The following SMURF2 variants were observed in gnomAD, a reference collection of about 807,000 sequenced individuals.
The protein encoded by SMURF2 is SMAD specific E3 ubiquitin protein ligase 2.
A neutral mutation model predicts 109.6 loss-of-function variants in SMURF2; 48 were observed. The ratio of observed to expected loss-of-function variants is 0.44; its 90% confidence interval spans 0.35 to 0.56. SMURF2 has a LOEUF of 0.56. Among genes scored for constraint, SMURF2 ranks in the 20% least tolerant of loss-of-function variants. The pLI, the probability that SMURF2 is intolerant of heterozygous loss-of-function variation, is 0.01. For missense variants in SMURF2, 575 were observed against 909.0 expected, an observed-to-expected ratio of 0.63 and a Z score of 4.72; for synonymous variants, 288 against 317.1, an observed-to-expected ratio of 0.91 and a Z score of 0.97.
chr17:64,620,623 T>C (rs1970188548), intron 1 of SMURF2, among the ~76,000 whole-genome samples: 2 of 152,184 alleles, frequency 1.3e-5, no homozygotes, highest in African/African-American at 4.8e-5. Flanking sequence ...CTTTTCTGAC[T>C]CTCCTTTTTC....
chr17:64,591,742 T>C (rs1969754749), intron 4 of SMURF2, among the ~76,000 whole-genome samples: 1 of 152,180 alleles, frequency 6.6e-6, no homozygotes, highest in East Asian at 1.9e-4. Context: ...AGTACGCTGG[T>C]TTTACTTTGA....
intron 16 of SMURF2, among the ~76,000 whole-genome samples, chr17:64,551,108 C>G (rs1175556541): frequency 6.6e-6 from 1 of 152,090 alleles, no homozygotes; most frequent in Non-Finnish European, 1.5e-5. Context: ...GCCTATAATC[C>G]TAGCACTTTG....
intron 1 of SMURF2, among the ~76,000 whole-genome samples, chr17:64,644,070 A>G (rs1970524655): frequency 6.6e-6 from 1 of 152,086 alleles, no homozygotes; most frequent in Non-Finnish European, 1.5e-5. Flanking sequence ...CAGTGGCACA[A>G]TCTTGGCTCA....
In SMURF2 at chr17:64,652,766, C is replaced by T. The variant is rs570797153; in HGVS notation, c.52+9063G>A. 2.0e-4 allele frequency among the ~76,000 whole-genome samples: 31 copies of T among 152,086 alleles called. No individual in the cohort carries two copies. In the South Asian group the frequency reaches 2.7e-3, roughly 13 times the overall value. On this transcript the variant is annotated intron_variant, in intron 1 of 18. Transcript: ENST00000262435. ...CTCCCAAAGAATAGGCATGAGCAAC[C>T]GCACCTGGCCTGTCAACTGATTTTC...
At chr17:64,647,123 T>C (rs1555693040) in intron 1 of SMURF2, among the ~76,000 whole-genome samples, 1 of 152,190 alleles carries the variant, frequency 6.6e-6, no homozygotes, top group Non-Finnish European at 1.5e-5. Flanking sequence ...TCCTAGAGCC[T>C]ACATCTCAGT....
rs1970545387 is a variant in SMURF2, at chr17:64,645,327, G to C, written c.52+16502C>G. ...GCTATAGTTTAAACGATAATTAAGA[G>C]ACATACCAACCCAATACAATGTGTA... On this transcript the variant is annotated intron_variant, in intron 1 of 18. Transcript: ENST00000262435. Among the ~76,000 whole-genome samples the C allele has an allele frequency of 2.0e-5, 3 of 152,310 alleles. 1 individual carries two copies. The highest frequency in any genetic ancestry group is 6.8e-3 in the Middle Eastern group (2 of 294).
intron 1 of SMURF2, among the ~76,000 whole-genome samples, chr17:64,651,989 C>A (rs537693050): frequency 6.6e-6 from 1 of 152,296 alleles, no homozygotes; most frequent in African/African-American, 2.4e-5. Context: ...CACCTCCTTT[C>A]TTTTCTATGG....
chr17:64,596,306 C>T (rs1471007808), intron 3 of SMURF2, among the ~76,000 whole-genome samples: 3 of 151,834 alleles, frequency 2.0e-5, no homozygotes, highest in African/African-American at 7.3e-5. Context: ...CTTATCTTAA[C>T]GTGGATGCTA....
At chr17:64,638,829 C>G (rs1022336341) in intron 1 of SMURF2, among the ~76,000 whole-genome samples, 1 of 152,204 alleles carries the variant, frequency 6.6e-6, no homozygotes, top group Non-Finnish European at 1.5e-5. Context: ...CATTCCCATA[C>G]TGGGATGGCT....
chr17:64,583,632 A>T, intron 6 of SMURF2, 88 bp from the exon 7 acceptor site: 3 of 931,828 alleles, frequency 3.2e-6, no homozygotes, highest in Non-Finnish European at 5.2e-6. Flanking sequence ...TGCTGTTACA[A>T]ATCGGGAATG....
At chr17:64,625,099 G>A (rs187185791) in intron 1 of SMURF2, among the ~76,000 whole-genome samples, 1 of 152,252 alleles carries the variant, frequency 6.6e-6, no homozygotes, top group Non-Finnish European at 1.5e-5. Flanking sequence ...TGACTCTAGG[G>A]GGCCACTGGT....
At chr17:64,582,936 T>C (rs1969597312) in intron 7 of SMURF2, among the ~76,000 whole-genome samples, 1 of 151,514 alleles carries the variant, frequency 6.6e-6, no homozygotes, top group South Asian at 2.1e-4. Context: ...TCTCATTCTA[T>C]CACCCAGGTT....
At chr17:64,657,455 G>C (rs537772453) in intron 1 of SMURF2, among the ~76,000 whole-genome samples, 5 of 151,958 alleles carry the variant, frequency 3.3e-5, no homozygotes, top group Non-Finnish European at 7.4e-5. Flanking sequence ...ACTTTGGAAG[G>C]CTGAGGCAGG....
chr17:64,602,884 C>T (rs570721181), intron 2 of SMURF2, among the ~76,000 whole-genome samples: 4 of 152,124 alleles, frequency 2.6e-5, no homozygotes, highest in Admixed American at 2.0e-4. Flanking sequence ...GAGATCGCGC[C>T]ACTGCACTCC....
At position 64,586,132 on chromosome 17, in the gene SMURF2, G is replaced by C. The variant is rs1555687049; in HGVS notation, c.439C>G (p.Gln147Glu). 3.7e-6 allele frequency: 6 copies of C among 1,610,376 alleles called. No homozygotes were observed. The highest frequency in any genetic ancestry group is 5.1e-6 in the Non-Finnish European group (6 of 1,178,794). ...AATAAACGACTGCAGTCCACAACTTGTCCTCCTGTGCCTATTCGGTCTCTG... is the reference window on the plus strand; with the variant it reads ...AATAAACGACTGCAGTCCACAACTTCTCCTCCTGTGCCTATTCGGTCTCTG... Reference protein sequence around the residue: ...QSRDRIGTGGQVVDCSRLFDN... With the variant: ...QSRDRIGTGGEVVDCSRLFDN... Residue 147 changes from glutamine to glutamate, a missense_variant, in exon 6 of 19, where the codon CAA becomes GAA. Gln to Glu is a conservative substitution (Grantham distance 29, BLOSUM62 2). Coordinates refer to ENST00000262435, the MANE Select transcript of SMURF2 (RefSeq NM_022739.4).
chr17:64,586,114 G>T lies in SMURF2; in HGVS notation c.457C>A (p.Arg153Ser). Residue 153 changes from arginine to serine, a missense_variant, in exon 6 of 19, where the codon CGT (arginine) becomes AGT (serine). Transcript: ENST00000262435. ...GTGGQVVDCS[R>S]LFDNDLPDGW... ...TCTGGTAAATCGTTATCAAATAAAC[G>T]ACTGCAGTCCACAACTTGTCCTCCT... is the stretch of plus-strand genomic sequence containing the variant. The T allele has an allele frequency of 1.2e-6, 2 of 1,610,140 alleles. No individual in the cohort carries two copies. Among genetic ancestry groups the T allele is most frequent in the South Asian group, 2.2e-5 (2 of 90,212 alleles).
At chr17:64,661,074 C>T (rs369285226) in intron 1 of SMURF2, among the ~76,000 whole-genome samples, 4 of 152,030 alleles carry the variant, frequency 2.6e-5, no homozygotes, top group South Asian at 2.1e-4. Flanking sequence ...CTTAGCAATG[C>T]ACCCCCCCCA....
At chr17:64,568,884 C>A (rs1181244638) in intron 10 of SMURF2, among the ~76,000 whole-genome samples, 1 of 152,042 alleles carries the variant, frequency 6.6e-6, no homozygotes, top group Non-Finnish European at 1.5e-5. Flanking sequence ...CGCCTGTAGT[C>A]CCAGCTACTC....
In SMURF2 at chr17:64,650,910, TA is replaced by T. The variant is rs60191277; in HGVS notation, c.52+10918del. On this transcript the variant is annotated intron_variant, in intron 1 of 18. Transcript: ENST00000262435. ...ACAGTGCCTAGGAATGCACGGTGGT[TA>T]AAAAAAAAAAAATCTGCTGGCTGGG... Among the ~76,000 whole-genome samples the T allele has an allele frequency of 2.9e-3, 414 of 143,084 alleles. 1 individual carries two copies. The highest frequency in any genetic ancestry group is 3.4e-3 in the Admixed American group (48 of 14,136). The allele number at this position is 143,084 out of a possible 152,430, so 93.9% of individuals were successfully genotyped here. A position where few individuals can be genotyped will look rare whatever the true frequency, so the allele number is the denominator to read the frequency against.
Sources: gnomAD v4.1 joint callset for allele counts (sites outside exome capture counted in the v4.1 genomes callset) on GRCh38, gnomAD v4.1.1 for gene constraint, MANE v1.5 for transcripts, NCBI Gene and HGNC (gene_info 2026-07-23, HGNC 2026-07-21) for gene names.